ADCY9: variants seen among roughly 807,000 people sequenced by gnomAD.
ADCY9 encodes the protein adenylate cyclase type 9.
In ADCY9, 50 loss-of-function variants were observed where a neutral mutation model predicts 101.5. The ratio of observed to expected loss-of-function variants is 0.49; its 90% CI spans 0.39 to 0.62. The LOEUF is 0.62. ADCY9 is among the 20% of genes least tolerant of loss of function. The probability of loss-of-function intolerance (pLI) is 0.00; values close to 1 mark genes in which losing one functional copy is unlikely to be tolerated. For missense variants in ADCY9, 1,662 were observed against 1,800.4 expected (o/e 0.92, Z 1.39); for synonymous variants, 905 against 769.3 (o/e 1.18, Z -2.92).
At chr16:4,066,941 A>T (rs1475732316) in intron 2 of ADCY9, among the ~76,000 whole-genome samples, 3 of 152,230 alleles carry the variant, frequency 2.0e-5, no homozygotes, top group Non-Finnish European at 4.4e-5. Context: ...TGCTCTTCAG[A>T]TGAAGGAAAC....
At position 4,110,376 on chromosome 16, in the gene ADCY9, C is replaced by CTTTTTTTTTTTTTTTTTTTTTTTTT. The variant is rs1170090126; in HGVS notation, c.1693+3349_1693+3373dup. Among the ~76,000 whole-genome samples, 2 of 110,742 alleles carry CTTTTTTTTTTTTTTTTTTTTTTTTT rather than the reference C, an allele frequency of 1.8e-5. 1 individual carries two copies. The allele number at this position is 110,742 out of a possible 152,430, so 72.7% of individuals were successfully genotyped here. Reference sequence around the variant, plus strand: ...AGTTTTGCAATCATACTTATACCTACTTTTTTTTTTTTTTTTTTTTTTTTT... The same window carrying CTTTTTTTTTTTTTTTTTTTTTTTTT: ...AGTTTTGCAATCATACTTATACCTACTTTTTTTTTTTTTTTTTTTTTTTTTTTTTTTTTTTTTTTTTTTTTTTTTT... On this transcript the variant is annotated intron_variant, in intron 2 of 10. Transcript: ENST00000294016.
intron 2 of ADCY9, among the ~76,000 whole-genome samples, chr16:4,036,028 T>TA (rs2056586983): frequency 1.3e-5 from 1 of 76,460 alleles, no homozygotes; most frequent in Non-Finnish European, 2.8e-5. Context: ...AAAAAAAAGA[T>TA]TCCAAGGGGC....
In ADCY9 at chr16:3,980,052, C is replaced by T. The variant is rs548841874; in HGVS notation, c.2520-777G>A. Among the ~76,000 whole-genome samples the T allele has an allele frequency of 4.6e-5, 7 of 152,370 alleles. No homozygotes were observed. The South Asian group carries it at 6.2e-4, about 14-fold the overall frequency. ...CTCGTGGCGCTTAGACCACCAAACC[C>T]GCACACGCGTGCCGTCTGCATCTGG... On this transcript the variant is annotated intron_variant, in intron 7 of 10. Transcript: ENST00000294016.
intron 2 of ADCY9, among the ~76,000 whole-genome samples, chr16:4,019,126 C>A (rs1476621537): frequency 6.6e-6 from 1 of 151,970 alleles, no homozygotes; most frequent in Non-Finnish European, 1.5e-5. Flanking sequence ...CAGGTGTGCA[C>A]CACCAAGCCC....
In ADCY9 at chr16:4,007,238, G is replaced by T. The variant is rs570320140; in HGVS notation, c.1884+130C>A. 76 of 756,816 alleles carry T rather than the reference G, an allele frequency of 1.0e-4. 1 individual carries two copies. The African/African-American group carries it at 1.1e-3, about 11-fold the overall frequency. 46.9% of individuals were successfully genotyped at this position (756,816 alleles called of 1,614,324 possible). A position where few individuals can be genotyped will look rare whatever the true frequency, so the allele number is the denominator to read the frequency against. On this transcript the variant is annotated intron_variant, in intron 3 of 10. Coordinates refer to ENST00000294016, the MANE Select transcript of ADCY9 (RefSeq NM_001116.4). ...TAACTTTAGACTAAATATTAAAATCGTGAAAACCAAATCGAAGGTCATTCC... is the reference window on the plus strand; with the variant it reads ...TAACTTTAGACTAAATATTAAAATCTTGAAAACCAAATCGAAGGTCATTCC...
chr16:4,042,139 G>T (rs2141139730), intron 2 of ADCY9, among the ~76,000 whole-genome samples: 1 of 152,034 alleles, frequency 6.6e-6, no homozygotes, highest in Admixed American at 6.6e-5. Flanking sequence ...TGGCCAGGCT[G>T]GTCTCAAACT....
chr16:4,021,757 T>G (rs373878233), intron 2 of ADCY9, among the ~76,000 whole-genome samples: 3 of 152,170 alleles, frequency 2.0e-5, no homozygotes, highest in Non-Finnish European at 4.4e-5. Flanking sequence ...TTTACTGCGC[T>G]TCACACGAGG....
intron 2 of ADCY9, among the ~76,000 whole-genome samples, chr16:4,068,161 G>T (rs1027877011): frequency 6.6e-6 from 1 of 152,026 alleles, no homozygotes; most frequent in Admixed American, 6.5e-5. Context: ...TATCCCACCT[G>T]CACCCCTTTA....
rs1477726109 is a variant in ADCY9 at position 4,053,630 on chromosome 16, A to C, written c.1694-46072T>G. Among the ~76,000 whole-genome samples the C allele has an allele frequency of 1.3e-5, 2 of 152,044 alleles. 1 individual carries two copies. The highest frequency in any genetic ancestry group is 4.1e-4 in the South Asian group (2 of 4,822). On this transcript the variant is annotated intron_variant, in intron 2 of 10. Coordinates refer to ENST00000294016, the MANE Select transcript of ADCY9 (RefSeq NM_001116.4). ...TGATGTTTCCCTTTTTTGGAGACTG[A>C]AAATAACATTTTTAAAAAACTGCCA...
At chr16:4,069,445 G>A (rs1188637513) in intron 2 of ADCY9, among the ~76,000 whole-genome samples, 2 of 151,468 alleles carry the variant, frequency 1.3e-5, no homozygotes, top group African/African-American at 4.9e-5. Flanking sequence ...AATGAGCGAA[G>A]GCATCTCAGA....
At chr16:4,000,329 A>C (rs905384143) in intron 3 of ADCY9, among the ~76,000 whole-genome samples, 1 of 152,058 alleles carries the variant, frequency 6.6e-6, no homozygotes, top group African/African-American at 2.4e-5. Flanking sequence ...CCGCGTAAAG[A>C]GGCGGTGAGC....
intron 2 of ADCY9, among the ~76,000 whole-genome samples, chr16:4,107,449 G>T (rs1196155694): frequency 1.3e-5 from 2 of 150,584 alleles, no homozygotes; most frequent in Non-Finnish European, 2.9e-5. Context: ...TATTTGGGAG[G>T]CTGAGGCAGG....
At chr16:3,969,947 C>T (rs2056036724) in intron 10 of ADCY9, among the ~76,000 whole-genome samples, 1 of 151,818 alleles carries the variant, frequency 6.6e-6, no homozygotes, top group Non-Finnish European at 1.5e-5. Context: ...AAAAAATAGA[C>T]AAAAAAGATT....
intron 2 of ADCY9, among the ~76,000 whole-genome samples, chr16:4,061,670 C>T (rs965355982): frequency 6.6e-6 from 1 of 151,940 alleles, no homozygotes; most frequent in Non-Finnish European, 1.5e-5. Flanking sequence ...TAAACAAAGA[C>T]AGAAAATTTG....
Position 3,992,210 on chromosome 16 carries a change from G to A in ADCY9, c.2143C>T (p.Leu715=), listed in dbSNP as rs201116391. 1.2e-6 allele frequency: 2 copies of A among 1,614,190 alleles called. No individual in the cohort carries two copies. Among genetic ancestry groups the A allele is most frequent in the Admixed American group, 3.3e-5 (2 of 60,034 alleles). Reference sequence around the variant, plus strand: ...TTCTCCCGGATGTTCTTGAACCTCAGCGGAAGGAGAGCCGACTGGTCCAGG... The same window carrying A: ...TTCTCCCGGATGTTCTTGAACCTCAACGGAAGGAGAGCCGACTGGTCCAGG... ...VSLDQSALLP[L]RFKNIREKTD... The change falls in exon 5 of 11, where the codon CTG becomes TTG. Residue 715 remains leucine, a synonymous_variant. Transcript: ENST00000294016. This position sits in a 1 kb window ranked among gnomAD's most constrained non-coding sequence, Gnocchi z 4.2.
chr16:4,015,364 T>C (rs955039777), intron 2 of ADCY9, among the ~76,000 whole-genome samples: 1 of 152,056 alleles, frequency 6.6e-6, no homozygotes, highest in Non-Finnish European at 1.5e-5. Flanking sequence ...CTCCCACCTC[T>C]AAGAAACCTC....
At position 3,979,401 on chromosome 16, in the gene ADCY9, T is replaced by C. The variant is rs942867119; in HGVS notation, c.2520-126A>G. The C allele has an allele frequency of 7.0e-6, 8 of 1,148,582 alleles. No individual in the cohort carries two copies. In the African/African-American group the frequency reaches 1.1e-4, roughly 15 times the overall value. 71.1% of individuals were successfully genotyped at this position (1,148,582 alleles called of 1,614,324 possible). A position where few individuals can be genotyped will look rare whatever the true frequency, so the allele number is the denominator to read the frequency against. ...TCCCGTGTTGCCCCTGGGATGGGCG[T>C]GAGAGCAGGCGTGGGGTGGGAGTCT... On this transcript the variant is annotated intron_variant, in intron 7 of 10. Coordinates refer to ENST00000294016, the MANE Select transcript of ADCY9 (RefSeq NM_001116.4).
At chr16:4,024,944 T>TCCACTGTCCATAATATCA (rs2056504091) in intron 2 of ADCY9, among the ~76,000 whole-genome samples, 5 of 151,990 alleles carry the variant, frequency 3.3e-5, no homozygotes, top group African/African-American at 9.7e-5. Flanking sequence ...GGGCCAGAGA[T>TCCACTGTCCATAATATCA]CCACTGTCCA....
In ADCY9 at chr16:3,954,070, C is replaced by T. The variant is rs560363005; in HGVS notation, c.568-554G>A. Among the ~76,000 whole-genome samples, 5 of 152,290 alleles carry T rather than the reference C, an allele frequency of 3.3e-5. No individual in the cohort carries two copies. In the South Asian group the frequency reaches 8.3e-4, roughly 25 times the overall value. The stretch of plus-strand genomic sequence containing the variant: ...GAGGATGGTAAGGCTCTGATTTTTC[C>T]ACTTGGCACTCATCTGGGTGTTATC... On this transcript the variant is annotated intron_variant, in intron 5 of 5. Coordinates refer to the ADCY9 transcript ENST00000576936.
Sources: allele counts gnomAD v4.1 joint callset (sites outside exome capture counted in the v4.1 genomes callset), GRCh38; gene constraint gnomAD v4.1.1; non-coding constraint Gnocchi (gnomAD v3.1); transcripts MANE v1.5; gene names NCBI Gene and HGNC (gene_info 2026-07-23, HGNC 2026-07-21).